PLK4: variants seen among roughly 807,000 people sequenced by gnomAD.
The protein encoded by PLK4 is serine/threonine-protein kinase PLK4.
In PLK4, 51 loss-of-function variants were observed where a neutral mutation model predicts 103.0. The observed-to-expected ratio is 0.50, with a 90% confidence interval of 0.40 to 0.63. The LOEUF (loss-of-function observed/expected upper bound fraction) is 0.63. Among genes scored for constraint, PLK4 ranks in the 20% least tolerant of loss-of-function variants. The probability of loss-of-function intolerance (pLI) is 0.00; values close to 1 mark genes in which losing one functional copy is unlikely to be tolerated. For synonymous variants in PLK4, 389 were observed against 376.8 expected, an observed-to-expected ratio of 1.03 and a Z score of -0.38; for missense variants, 1,054 against 1,151.0, an observed-to-expected ratio of 0.92 and a Z score of 1.22.
Position 127,886,219 on chromosome 4 carries a change from T to A in PLK4, c.849T>A (p.Ile283=). The A allele has an allele frequency of 5.6e-6, 9 of 1,614,146 alleles. No individual in the cohort carries two copies. The highest frequency in any genetic ancestry group is 6.8e-6 in the Non-Finnish European group (8 of 1,180,004). ...SKDLGTVEDS[I]DSGHATISTA... is the part of the protein sequence containing the mutation. ...ATTTAGGAACTGTGGAAGACTCAAT[T>A]GATAGTGGGCATGCCACAATTTCTA... The change falls in exon 5 of 16, where the codon ATT becomes ATA. Residue 283 remains isoleucine (I), a synonymous_variant. Transcript: ENST00000270861.
chr4:127,881,900 A>C lies in PLK4; in HGVS notation c.100A>C (p.Thr34Pro), dbSNP rs771662526. ...TGTCTACAGAGCTGAGTCCATTCACACTGGTTTGGAAGTTGCAATCAAAAT... is the reference window on the plus strand; with the variant it reads ...TGTCTACAGAGCTGAGTCCATTCACCCTGGTTTGGAAGTTGCAATCAAAAT... Reference protein sequence around the residue: ...AGVYRAESIHTGLEVAIKMID... With the variant: ...AGVYRAESIHPGLEVAIKMID... Residue 34 changes from threonine to proline, a missense_variant, in exon 2 of 16, where the codon ACT (threonine) becomes CCT (proline). Thr to Pro is a conservative substitution (Grantham distance 38). Around this residue, in one of 4 missense-constraint regions of PLK4, gnomAD observed 199 missense variants for 270.1 expected, o/e 0.74. Coordinates refer to ENST00000270861, the MANE Select transcript of PLK4 (RefSeq NM_014264.5). 1.9e-6 allele frequency: 3 copies of C among 1,601,942 alleles called. No homozygotes were observed. The highest frequency in any genetic ancestry group is 2.6e-6 in the Non-Finnish European group (3 of 1,168,904).
chr4:127,882,507 C>A (rs1397177771), intron 2 of PLK4, among the ~76,000 whole-genome samples: 2 of 152,148 alleles, frequency 1.3e-5, no homozygotes, highest in Non-Finnish European at 2.9e-5. Context: ...CGCCTGTAAT[C>A]CCAGCACTTT....
intron 1 of PLK4, 48 bp from the exon 2 acceptor site, chr4:127,881,783 C>A (rs775541700): frequency 1.1e-5 from 12 of 1,119,366 alleles, no homozygotes; most frequent in Non-Finnish European, 1.6e-5. Context: ...TCCCATCTTC[C>A]TTTCTACTGT....
chr4:127,887,590 T>C (rs894865545), intron 6 of PLK4, 94 bp downstream of exon 6: 1 of 788,244 alleles, frequency 1.3e-6, no homozygotes, highest in Non-Finnish European at 2.1e-6. Flanking sequence ...AAGAAAATCA[T>C]TTTCTTGCTT....
rs1230951351 is a variant in PLK4 at position 127,889,979 on chromosome 4, A to G, written c.1573A>G (p.Lys525Glu). 4.3e-6 allele frequency: 7 copies of G among 1,614,132 alleles called. No homozygotes were observed. Among genetic ancestry groups the G allele is most frequent in the Non-Finnish European group, 5.9e-6 (7 of 1,179,960 alleles). ...SKNAWTDTKV[K>E]KNSDASDNAH... ...AAATGCCTGGACTGATACAAAAGTCAAAAAGAACTCTGATGCTTCTGATAA... is the reference window on the plus strand; with the variant it reads ...AAATGCCTGGACTGATACAAAAGTCGAAAAGAACTCTGATGCTTCTGATAA... The change falls in exon 7 of 16, where the codon AAA becomes GAA. Residue 525 changes from lysine to glutamate, a missense_variant. Transcript: ENST00000270861.
intron 6 of PLK4, 109 bp from the exon 7 acceptor site, chr4:127,889,757 C>A: frequency 1.3e-6 from 1 of 772,614 alleles, no homozygotes; most frequent in Non-Finnish European, 2.0e-6. Context: ...TTTTTTGTAA[C>A]TAGAATTCTT....
In PLK4 at chr4:127,886,554, C is replaced by G. The variant is rs757899861; in HGVS notation, c.1184C>G (p.Thr395Arg). The change falls in exon 5 of 16, where the codon ACA becomes AGA. Residue 395 changes from threonine (T) to arginine (R), a missense_variant. By Grantham distance (71) the Thr-to-Arg change is moderately conservative (BLOSUM62 -1). Around this residue, in one of 4 missense-constraint regions of PLK4, gnomAD observed 680 missense variants for 660.3 expected, o/e 1.03. Coordinates refer to ENST00000270861, the MANE Select transcript of PLK4 (RefSeq NM_014264.5). ...SNSQSQAKTYTMERCHSAEML... is the reference protein window; with the variant it reads ...SNSQSQAKTYRMERCHSAEML... The stretch of plus-strand genomic sequence containing the variant: ...AGTCAGTCTCAAGCAAAAACATATA[C>G]AATGGAACGATGTCACTCAGCAGAA... 2 of 1,613,890 alleles carry G rather than the reference C, an allele frequency of 1.2e-6. No individual in the cohort carries two copies. Among genetic ancestry groups the G allele is most frequent in the Non-Finnish European group, 1.7e-6 (2 of 1,179,960 alleles).
At chr4:127,894,759 G>C (rs530085894) in intron 13 of PLK4, among the ~76,000 whole-genome samples, 194 bp from the exon 14 acceptor site, 26 of 152,062 alleles carry the variant, frequency 1.7e-4, no homozygotes, top group Admixed American at 3.9e-4. Context: ...AATGAAAACA[G>C]CAATTGTGCA....
At chr4:127,881,279 T>C in intron 1 of PLK4, 115 bp downstream of exon 1, 1 of 1,569,686 alleles carries the variant, frequency 6.4e-7, no homozygotes, top group Non-Finnish European at 8.6e-7. Flanking sequence ...GGCACCGAGG[T>C]GCTTAGGGAG....
In PLK4 at chr4:127,890,185, G is replaced by A. The variant is rs780867560; in HGVS notation, c.1779G>A (p.Pro593=). 1.9e-5 allele frequency: 30 copies of A among 1,613,400 alleles called. No homozygotes were observed. The highest frequency in any genetic ancestry group is 1.5e-4 in the South Asian group (14 of 90,990). ...GTACATTAAGAAGCATTACATCTCC[G>A]TTGGTTGCTCACAGGTTAAAACCAA... ...QNRTLRSITS[P]LVAHRLKPIR... The change falls in exon 7 of 16, where the codon CCG becomes CCA. Residue 593 remains proline, a synonymous_variant. Coordinates refer to ENST00000270861, the MANE Select transcript of PLK4 (RefSeq NM_014264.5).
chr4:127,896,930 G>A (rs369496132), intron 15 of PLK4, 23 bp downstream of exon 15: 80 of 1,206,650 alleles, frequency 6.6e-5, no homozygotes, highest in African/African-American at 3.4e-4. Flanking sequence ...AATACTGGTC[G>A]AGATTCAGCC....
chr4:127,899,134 T>C lies in PLK4; in HGVS notation c.*593T>C, dbSNP rs955329312. 1.3e-5 allele frequency: 2 copies of C among 152,232 alleles called. No homozygotes were observed. Among genetic ancestry groups the C allele is most frequent in the Non-Finnish European group, 2.9e-5 (2 of 68,046 alleles). 9.4% of individuals were successfully genotyped at this position (152,232 alleles called of 1,614,324 possible). On this transcript the variant is annotated 3_prime_UTR_variant, in exon 16 of 16. Coordinates refer to ENST00000270861, the MANE Select transcript of PLK4 (RefSeq NM_014264.5). ...TAAATAACTTACCAGTAAACTCACT[T>C]TTTAAATTTTGTTGCCTGTTGAGGA...
intron 6 of PLK4, among the ~76,000 whole-genome samples, chr4:127,888,177 CAAAAAAAAAAAAAAAAAAAAAAA>C (rs58491426): frequency 6.0e-5 from 2 of 33,238 alleles, no homozygotes; most frequent in African/African-American, 9.9e-5. Context: ...TAGACTGTCT[CAAAAAAAAAAAAAAAAAAAAAAA>C]AAAAAAAAAA....
Position 127,898,465 on chromosome 4 carries a change from A to G in PLK4, c.2837A>G (p.Asp946Gly). 6.4e-7 allele frequency: 1 copy of G among 1,569,036 alleles called. No individual in the cohort carries two copies. Among genetic ancestry groups the G allele is most frequent in the Non-Finnish European group, 8.7e-7 (1 of 1,144,578 alleles). ...TATGGAGAAAATGAAAAATTACCAG[A>G]CTACATCAAACAGAAATTACAGTGT... The part of the protein sequence containing the change: ...TRYGENEKLP[D>G]YIKQKLQCLS... Residue 946 changes from aspartate to glycine, a missense_variant, in exon 16 of 16, where the codon GAC (aspartate) becomes GGC (glycine). Asp to Gly is a moderately conservative substitution (Grantham distance 94). Transcript: ENST00000270861.
chr4:127,885,654 C>A, intron 4 of PLK4, 54 bp from the exon 5 acceptor site: 1 of 1,363,364 alleles, frequency 7.3e-7, no homozygotes, highest in Non-Finnish European at 1.0e-6. Context: ...ATACTAGATA[C>A]TGAATCTTCC....
Position 127,892,179 on chromosome 4 carries a change from G to C in PLK4, c.2039-186G>C, listed in dbSNP as rs1735385746. On this transcript the variant is annotated intron_variant, in intron 9 of 15. Coordinates refer to ENST00000270861, the MANE Select transcript of PLK4 (RefSeq NM_014264.5). ...TATAGTTAACCAAATTTGACTCCCA[G>C]TTTGGTTTCTGGATATTATGGACTA... The C allele has an allele frequency of 1.5e-5, 6 of 394,060 alleles. No homozygotes were observed. The East Asian group carries it at 2.6e-4, about 17-fold the overall frequency. 24.4% of individuals were successfully genotyped at this position (394,060 alleles called of 1,614,324 possible).
In PLK4 at chr4:127,883,420, A is replaced by G; in HGVS notation, c.223-19A>G. On this transcript the variant is annotated intron_variant, in intron 3 of 15. Transcript: ENST00000270861. ...GAATTTTTGTATATTTTAATTTATT[A>G]TGCCCTTTCACATTTCAGCTTTATA... 1 of 1,395,554 alleles carries G rather than the reference A, an allele frequency of 7.2e-7. No homozygotes were observed. 86.4% of individuals were successfully genotyped at this position (1,395,554 alleles called of 1,614,324 possible). A position where few individuals can be genotyped will look rare whatever the true frequency, so the allele number is the denominator to read the frequency against.
In PLK4 at chr4:127,893,332, A is replaced by G. The variant is rs764057090; in HGVS notation, c.2236A>G (p.Thr746Ala). The change falls in exon 11 of 16, where the codon ACA (threonine) becomes GCA (alanine). Residue 746 changes from threonine to alanine, a missense_variant. Physicochemically the swap from Thr to Ala is moderately conservative, Grantham distance 58. Transcript: ENST00000270861. ...TEDFIQVIEK[T>A]GKSYTLKSES... ...AGATTTCATTCAGGTGATTGAAAAG[A>G]CAGGGAAGTCTTACACTTTAAAAAG... 8.1e-6 allele frequency: 13 copies of G among 1,603,238 alleles called. No homozygotes were observed. In the South Asian group the frequency reaches 1.1e-4, roughly 14 times the overall value.
chr4:127,893,555 G>A lies in PLK4; in HGVS notation c.2365G>A (p.Glu789Lys). The change falls in exon 12 of 16, where the codon GAG becomes AAG. Residue 789 changes from glutamate to lysine, a missense_variant. Glu to Lys is a moderately conservative substitution (Grantham distance 56, BLOSUM62 1). This residue lies in a region of PLK4 where 167 missense variants were observed against 200.7 expected (regional missense o/e 0.83). Coordinates refer to ENST00000270861, the MANE Select transcript of PLK4 (RefSeq NM_014264.5). ...CLALESIISE[E>K]ERKTRSAPFF... ...AGCACTGGAATCCATAATTTCAGAA[G>A]AGGAAAGGAAAACTAGGAGTGCTCC... 1.2e-6 allele frequency: 2 copies of A among 1,613,166 alleles called. No individual in the cohort carries two copies. Among genetic ancestry groups the A allele is most frequent in the South Asian group, 2.2e-5 (2 of 90,930 alleles).
Sources: allele counts gnomAD v4.1 joint callset (sites outside exome capture counted in the v4.1 genomes callset), GRCh38; gene constraint gnomAD v4.1.1; regional missense constraint gnomAD v4.1.1; transcripts MANE v1.5; gene names NCBI Gene and HGNC (gene_info 2026-07-23, HGNC 2026-07-21).